The following SRGAP1 variants were observed in gnomAD, a reference collection of about 807,000 sequenced individuals.
SRGAP1 encodes SLIT-ROBO Rho GTPase activating protein 1.
A neutral mutation model predicts 121.9 loss-of-function variants in SRGAP1; 43 were observed. The observed-to-expected ratio is 0.35, with a 90% CI of 0.28 to 0.46. The LOEUF (loss-of-function observed/expected upper bound fraction) is 0.46. Among genes scored for constraint, SRGAP1 ranks in the 20% least tolerant of loss-of-function variants. The pLI, the probability that SRGAP1 is intolerant of heterozygous loss-of-function variation, is 1.00. For missense variants in SRGAP1, 1,102 were observed against 1,350.9 expected (o/e 0.82, Z 2.89); for synonymous variants, 447 against 485.4 (o/e 0.92, Z 1.04).
chr12:63,936,898 C>G (rs1222957672), intron 1 of SRGAP1, among the ~76,000 whole-genome samples: 1 of 152,154 alleles, frequency 6.6e-6, no homozygotes, highest in African/African-American at 2.4e-5. Flanking sequence ...TACCACTTGC[C>G]TAAGGACCCA....
chr12:63,978,858 C>A (rs1471141379), intron 1 of SRGAP1, among the ~76,000 whole-genome samples: 1 of 152,092 alleles, frequency 6.6e-6, no homozygotes, highest in African/African-American at 2.4e-5. Context: ...CATTGTCTTC[C>A]AACACTTTTT....
intron 1 of SRGAP1, among the ~76,000 whole-genome samples, chr12:63,944,363 C>T (rs1039058405): frequency 2.0e-5 from 3 of 152,152 alleles, no homozygotes; most frequent in African/African-American, 7.2e-5. Flanking sequence ...AAGGCAGATT[C>T]AATGTCTACT....
At chr12:63,862,191 A>G (rs1419118103) in intron 1 of SRGAP1, among the ~76,000 whole-genome samples, 5 of 152,232 alleles carry the variant, frequency 3.3e-5, no homozygotes, top group Admixed American at 6.5e-5. Flanking sequence ...CATTTTTAGA[A>G]CTTAATTCTT....
At chr12:63,893,267 A>G (rs1395666183) in intron 1 of SRGAP1, among the ~76,000 whole-genome samples, 1 of 152,198 alleles carries the variant, frequency 6.6e-6, no homozygotes, top group African/African-American at 2.4e-5. Flanking sequence ...GTAAATGAAT[A>G]AAGAAAGTGA....
intron 4 of SRGAP1, among the ~76,000 whole-genome samples, chr12:64,023,506 T>G (rs1486131116): frequency 6.6e-6 from 1 of 152,234 alleles, no homozygotes; most frequent in Non-Finnish European, 1.5e-5. Flanking sequence ...TTACTTTCTC[T>G]AGGCTTTACA....
chr12:64,027,641 C>T (rs2034682825), intron 4 of SRGAP1, among the ~76,000 whole-genome samples: 1 of 152,102 alleles, frequency 6.6e-6, no homozygotes, highest in African/African-American at 2.4e-5. Flanking sequence ...GGAACAGCTA[C>T]TAAAACGAGA....
intron 1 of SRGAP1, among the ~76,000 whole-genome samples, chr12:63,897,350 A>G (rs537659043): frequency 6.6e-6 from 1 of 152,348 alleles, no homozygotes; most frequent in South Asian, 2.1e-4. Flanking sequence ...TAGGCTTGAT[A>G]ATATTATGAG....
chr12:64,108,958 C>T lies in SRGAP1; in HGVS notation c.1840C>T (p.Leu614Phe), dbSNP rs1317073553. ...IRIDNLYERA[L>F]HIRKLLLTLP... is the part of the protein sequence containing the mutation. ...AATAGATAATCTCTATGAGAGGGCG[C>T]TTCACATCCGCAAACTCCTCCTGAC... is the stretch of plus-strand genomic sequence containing the variant. The change falls in exon 16 of 22, where the codon CTT becomes TTT. Residue 614 changes from leucine to phenylalanine, a missense_variant. Leu to Phe is a conservative substitution (Grantham distance 22, BLOSUM62 0). Around this residue, in one of 3 missense-constraint regions of SRGAP1, gnomAD observed 747 missense variants for 929.4 expected, o/e 0.80. Coordinates refer to ENST00000355086, the MANE Select transcript of SRGAP1 (RefSeq NM_020762.4). 6.2e-7 allele frequency: 1 copy of T among 1,604,126 alleles called. No individual in the cohort carries two copies. Among genetic ancestry groups the T allele is most frequent in the South Asian group, 1.1e-5 (1 of 89,542 alleles).
chr12:63,908,492 C>T (rs1414316888), intron 1 of SRGAP1, among the ~76,000 whole-genome samples: 3 of 151,912 alleles, frequency 2.0e-5, no homozygotes, highest in Admixed American at 6.6e-5. Context: ...CAGATTCAAG[C>T]GATTCTTCTG....
intron 1 of SRGAP1, among the ~76,000 whole-genome samples, chr12:63,922,795 G>A (rs922156902): frequency 1.3e-5 from 2 of 152,068 alleles, no homozygotes; most frequent in South Asian, 2.1e-4. Context: ...TTTCTTTTTC[G>A]TATATTCATT....
intron 12 of SRGAP1, among the ~76,000 whole-genome samples, chr12:64,094,441 G>T (rs2036115692): frequency 1.3e-5 from 2 of 152,100 alleles, no homozygotes; most frequent in Admixed American, 6.6e-5. Flanking sequence ...GTAAATACAT[G>T]TTTTAATTAT....
intron 1 of SRGAP1, among the ~76,000 whole-genome samples, chr12:63,910,431 T>C (rs548210579): frequency 5.3e-5 from 8 of 152,244 alleles, no homozygotes; most frequent in Non-Finnish European, 1.0e-4. Context: ...TGTCTTTAGC[T>C]GACTATCCTT....
intron 21 of SRGAP1, among the ~76,000 whole-genome samples, chr12:64,137,983 A>ATATAT (rs1565697592): frequency 2.7e-4 from 33 of 120,672 alleles, no homozygotes; most frequent in East Asian, 1.9e-3. Context: ...TATATATATA[A>ATATAT]AAAATAATAA....
At chr12:64,076,000 C>A (rs1477070899) in intron 8 of SRGAP1, among the ~76,000 whole-genome samples, 2 of 152,044 alleles carry the variant, frequency 1.3e-5, no homozygotes, top group Non-Finnish European at 2.9e-5. Flanking sequence ...TTTCAAAGTT[C>A]ATTTTCTAGG....
chr12:64,112,038 A>G (rs770384722), intron 17 of SRGAP1, 52 bp downstream of exon 17: 22 of 1,417,300 alleles, frequency 1.6e-5, no homozygotes, highest in Non-Finnish European at 2.1e-5. Flanking sequence ...ATGGAAATAT[A>G]GCTATCAATT....
chr12:63,980,556 A>G (rs2033218798), intron 1 of SRGAP1, among the ~76,000 whole-genome samples: 1 of 151,936 alleles, frequency 6.6e-6, no homozygotes, highest in Non-Finnish European at 1.5e-5. Flanking sequence ...CTGGGGCAGT[A>G]TAAGGAATCC....
chr12:64,010,186 T>C (rs1043217248), intron 3 of SRGAP1, among the ~76,000 whole-genome samples: 29 of 152,138 alleles, frequency 1.9e-4, no homozygotes, highest in African/African-American at 6.0e-4. Context: ...CTCTTTCTCT[T>C]TTACTCCCGC....
chr12:63,897,155 TG>T (rs1394120034), intron 1 of SRGAP1, among the ~76,000 whole-genome samples: 1 of 152,226 alleles, frequency 6.6e-6, no homozygotes, highest in Non-Finnish European at 1.5e-5. Context: ...GTGATGCAAA[TG>T]GAACCATTGA....
chr12:63,953,868 C>T (rs992127434), intron 1 of SRGAP1, among the ~76,000 whole-genome samples: 3 of 152,198 alleles, frequency 2.0e-5, no homozygotes, highest in Non-Finnish European at 4.4e-5. Context: ...AGTGGAAATA[C>T]ATTTGGAGAG....
Sources: allele counts gnomAD v4.1 joint callset (sites outside exome capture counted in the v4.1 genomes callset), GRCh38; gene constraint gnomAD v4.1.1; regional missense constraint gnomAD v4.1.1; transcripts MANE v1.5; gene names NCBI Gene and HGNC (gene_info 2026-07-23, HGNC 2026-07-21).